KCNH1: variants seen among roughly 807,000 people sequenced by gnomAD.
KCNH1 encodes potassium voltage-gated channel subfamily H member 1.
Under a neutral mutation model 69.2 loss-of-function variants are expected in KCNH1, and 27 were observed. The observed-to-expected ratio is 0.39, with a 90% CI of 0.29 to 0.54. The LOEUF (loss-of-function observed/expected upper bound fraction) is 0.54. Among genes scored for constraint, KCNH1 ranks in the 20% least tolerant of loss-of-function variants. The probability of loss-of-function intolerance (pLI) is 0.68; values close to 1 mark genes in which losing one functional copy is unlikely to be tolerated. For synonymous variants in KCNH1, 456 were observed against 487.7 expected (o/e 0.93, Z 0.86); for missense variants, 798 against 1,261.6 (o/e 0.63, Z 5.57).
intron 5 of KCNH1, 45 bp from the exon 6 acceptor site, chr1:211,019,301 A>G: frequency 7.9e-7 from 1 of 1,261,752 alleles, no homozygotes; most frequent in South Asian, 1.4e-5. Context: ...TTAGGATTTA[A>G]TTGCAAGTAT....
intron 7 of KCNH1, among the ~76,000 whole-genome samples, chr1:210,873,670 G>T (rs1380560810): frequency 6.6e-6 from 1 of 151,978 alleles, no homozygotes; most frequent in Non-Finnish European, 1.5e-5. Context: ...CAGCCCTAGG[G>T]TTCCCATCTT....
chr1:210,978,450 C>T (rs1393606082), intron 6 of KCNH1, among the ~76,000 whole-genome samples: 1 of 152,162 alleles, frequency 6.6e-6, no homozygotes, highest in African/African-American at 2.4e-5. Context: ...GAGGCAGTTT[C>T]GATTGACTGC....
intron 4 of KCNH1, among the ~76,000 whole-genome samples, chr1:211,087,733 C>T (rs1168182140): frequency 6.6e-6 from 1 of 151,900 alleles, no homozygotes; most frequent in Non-Finnish European, 1.5e-5. Flanking sequence ...TCTGTGGGCA[C>T]TATTTGTCAG....
intron 5 of KCNH1, among the ~76,000 whole-genome samples, chr1:211,048,864 C>G (rs1221420207): frequency 2.0e-5 from 3 of 152,020 alleles, no homozygotes; most frequent in Non-Finnish European, 4.4e-5. Flanking sequence ...TAGTTTTGTG[C>G]AAATAAAGAA....
chr1:210,721,824 TAAATAAATGAAAAA>T (rs1682470866), intron 10 of KCNH1, among the ~76,000 whole-genome samples: 1 of 151,268 alleles, frequency 6.6e-6, no homozygotes, highest in African/African-American at 2.4e-5. Context: ...AATAAATAAA[TAAATAAATGAAAAA>T]GAAAGAGGCT....
chr1:211,094,830 T>C (rs1648567993), intron 3 of KCNH1, among the ~76,000 whole-genome samples: 1 of 152,124 alleles, frequency 6.6e-6, no homozygotes, highest in African/African-American at 2.4e-5. Flanking sequence ...AGAACATAAG[T>C]CCCTCCTAGG....
At chr1:210,838,577 TTAAAC>T (rs1685335483) in intron 7 of KCNH1, among the ~76,000 whole-genome samples, 1 of 152,138 alleles carries the variant, frequency 6.6e-6, no homozygotes, top group Admixed American at 6.5e-5. Flanking sequence ...TGGGGTCTAA[TTAAAC>T]TAAAGAGCTT....
intron 5 of KCNH1, among the ~76,000 whole-genome samples, chr1:211,058,235 A>T (rs1379144162): frequency 2.0e-5 from 3 of 152,226 alleles, no homozygotes; most frequent in Non-Finnish European, 2.9e-5. Flanking sequence ...AGTCTGAAAG[A>T]AAAGGATATT....
intron 10 of KCNH1, among the ~76,000 whole-genome samples, chr1:210,762,504 G>A (rs1018975539): frequency 6.6e-6 from 1 of 152,016 alleles, no homozygotes; most frequent in Non-Finnish European, 1.5e-5. Context: ...GGAGAGAGAA[G>A]CTCCAAATAA....
At chr1:211,005,750 A>G (rs996359857) in intron 6 of KCNH1, among the ~76,000 whole-genome samples, 1 of 152,196 alleles carries the variant, frequency 6.6e-6, no homozygotes, top group Non-Finnish European at 1.5e-5. Flanking sequence ...TATTTCTCTA[A>G]ATTAAGAACT....
intron 10 of KCNH1, among the ~76,000 whole-genome samples, chr1:210,689,320 T>C (rs116584900): frequency 0.017 from 2,574 of 152,328 alleles, 35 homozygotes; most frequent in Middle Eastern, 0.031. Context: ...GCTCTTCTCG[T>C]GCCTAACCTG....
intron 6 of KCNH1, among the ~76,000 whole-genome samples, chr1:210,976,236 C>A (rs554541636): frequency 6.6e-6 from 1 of 152,064 alleles, no homozygotes; most frequent in Non-Finnish European, 1.5e-5. Flanking sequence ...TTGACCCAGC[C>A]ATCCCATTAC....
chr1:211,060,312 C>T (rs1368768779), intron 5 of KCNH1, among the ~76,000 whole-genome samples: 1 of 141,582 alleles, frequency 7.1e-6, no homozygotes, highest in East Asian at 2.1e-4. Flanking sequence ...CCTTATGATG[C>T]ATCTTATGAA....
chr1:210,738,311 C>T (rs184787859), intron 10 of KCNH1, among the ~76,000 whole-genome samples: 11 of 152,280 alleles, frequency 7.2e-5, no homozygotes, highest in African/African-American at 2.2e-4. Flanking sequence ...AGGCAGTGAC[C>T]GTATTCACTG....
Position 211,128,297 on chromosome 1 carries a change from AAAAG to A in KCNH1, c.79+5566_79+5569del, listed in dbSNP as rs1363118514. ...GATTCTGTCTCAAAAAAAAAAAAAAAAAAGAAAGAGGTAAAGAAAATGAAGCAGT... is the reference window on the plus strand; with the variant it reads ...GATTCTGTCTCAAAAAAAAAAAAAAAAAAGAGGTAAAGAAAATGAAGCAGT... On this transcript the variant is annotated intron_variant, in intron 1 of 10. Coordinates refer to ENST00000271751, the MANE Select transcript of KCNH1 (RefSeq NM_172362.3). Among the ~76,000 whole-genome samples the A allele has an allele frequency of 1.8e-4, 28 of 152,084 alleles. No homozygotes were observed. The South Asian group carries it at 5.6e-3, about 30-fold the overall frequency.
At chr1:211,086,907 G>A (rs550310102) in intron 4 of KCNH1, among the ~76,000 whole-genome samples, 6 of 152,330 alleles carry the variant, frequency 3.9e-5, no homozygotes, top group African/African-American at 1.4e-4. Context: ...AGCATGGAGA[G>A]TCAGTGCAGA....
At chr1:211,000,835 A>C (rs1164995794) in intron 6 of KCNH1, among the ~76,000 whole-genome samples, 2 of 152,320 alleles carry the variant, frequency 1.3e-5, no homozygotes, top group East Asian at 3.9e-4. Context: ...ATGGAACAGA[A>C]CAGAGCCCTC....
At chr1:210,951,344 C>A (rs1688058569) in intron 6 of KCNH1, among the ~76,000 whole-genome samples, 1 of 152,146 alleles carries the variant, frequency 6.6e-6, no homozygotes, top group South Asian at 2.1e-4. Context: ...GCATAAGATC[C>A]AGAGGGAAAA....
chr1:210,870,722 T>C (rs1274729199), intron 7 of KCNH1, among the ~76,000 whole-genome samples: 2 of 152,184 alleles, frequency 1.3e-5, no homozygotes, highest in African/African-American at 4.8e-5. Context: ...GAGAACTGGT[T>C]CATTACAGAG....
Sources: allele counts gnomAD v4.1 joint callset (sites outside exome capture counted in the v4.1 genomes callset), GRCh38; gene constraint gnomAD v4.1.1; transcripts MANE v1.5; gene names NCBI Gene and HGNC (gene_info 2026-07-23, HGNC 2026-07-21).